Variants in RAB27B observed in about 807,000 individuals in gnomAD.
RAB27B encodes the protein ras-related protein Rab-27B.
RAB27B carries 15 observed loss-of-function variants against 24.6 expected under a neutral mutation model. That is an observed-to-expected ratio of 0.61 (90% CI 0.41 to 0.94). RAB27B has a LOEUF of 0.94. Among genes scored for constraint, RAB27B ranks in the 40% least tolerant of loss-of-function variants. The pLI is 0.00. For missense variants in RAB27B, 261 were observed against 266.8 expected (o/e 0.98, Z 0.15); for synonymous variants, 105 against 92.5 (o/e 1.14, Z -0.78).
At chr18:54,841,735 C>A (rs577457509) in intron 1 of RAB27B, among the ~76,000 whole-genome samples, 74 of 152,242 alleles carry the variant, frequency 4.9e-4, no homozygotes, top group Non-Finnish European at 9.3e-4. Context: ...TGGCCAAAGT[C>A]AAAGATATAT....
chr18:54,756,413 A>G (rs547122062), intron 2 of RAB27B, among the ~76,000 whole-genome samples: 1 of 152,260 alleles, frequency 6.6e-6, no homozygotes, highest in South Asian at 2.1e-4. Flanking sequence ...TATCCTGACT[A>G]TAGGTTCGAT....
intron 2 of RAB27B, among the ~76,000 whole-genome samples, chr18:54,798,359 A>G (rs188123001): frequency 1.3e-5 from 2 of 152,354 alleles, no homozygotes; most frequent in East Asian, 3.9e-4. Context: ...AGAGACTTCA[A>G]CTGTTGCACA....
At chr18:54,788,213 C>A (rs923622492) in intron 2 of RAB27B, among the ~76,000 whole-genome samples, 1 of 152,168 alleles carries the variant, frequency 6.6e-6, no homozygotes, top group Non-Finnish European at 1.5e-5. Flanking sequence ...CTAAACTCTC[C>A]AAGCATTTTA....
chr18:54,739,398 G>A (rs1040860651), intron 2 of RAB27B, among the ~76,000 whole-genome samples: 3 of 149,042 alleles, frequency 2.0e-5, no homozygotes, highest in East Asian at 2.0e-4. Context: ...GGAGGTTACA[G>A]TGAGCTGAGA....
intron 1 of RAB27B, among the ~76,000 whole-genome samples, chr18:54,839,345 A>C (rs1911018661): frequency 1.3e-5 from 2 of 152,186 alleles, no homozygotes; most frequent in Non-Finnish European, 1.5e-5. Context: ...TCTCTTTGGA[A>C]TAAGTTTTTA....
chr18:54,818,118 CT>C (rs748769364), intron 2 of RAB27B, among the ~76,000 whole-genome samples: 2 of 152,122 alleles, frequency 1.3e-5, no homozygotes, highest in African/African-American at 2.4e-5. Context: ...GGAAATGTTC[CT>C]GTTCTCCAAT....
intron 2 of RAB27B, among the ~76,000 whole-genome samples, chr18:54,746,054 G>A (rs993605163): frequency 6.6e-6 from 1 of 152,038 alleles, no homozygotes; most frequent in African/African-American, 2.4e-5. Flanking sequence ...TATGGGTGAA[G>A]CATGCCACAA....
chr18:54,777,058 A>T (rs996703551), intron 2 of RAB27B, among the ~76,000 whole-genome samples: 1 of 152,168 alleles, frequency 6.6e-6, no homozygotes, highest in African/African-American at 2.4e-5. Flanking sequence ...AAAAATTAAA[A>T]TAATAAATAA....
chr18:54,820,599 G>A (rs1190793928), intron 2 of RAB27B, among the ~76,000 whole-genome samples: 1 of 151,992 alleles, frequency 6.6e-6, no homozygotes, highest in Non-Finnish European at 1.5e-5. Context: ...TTCTTTTGCT[G>A]TGCAGAAGCT....
At chr18:54,804,904 C>CTCTCTTTCTT (rs1555658012) in intron 2 of RAB27B, among the ~76,000 whole-genome samples, 2,047 of 47,828 alleles carry the variant, frequency 0.043, 46 homozygotes, top group East Asian at 0.15. Context: ...CTTTCTCTCT[C>CTCTCTTTCTT]TCTTTCTTTC....
At chr18:54,747,922 A>G (rs1910305351) in intron 2 of RAB27B, among the ~76,000 whole-genome samples, 1 of 152,118 alleles carries the variant, frequency 6.6e-6, no homozygotes, top group Non-Finnish European at 1.5e-5. Flanking sequence ...AGCCTGGACA[A>G]CATAGTAAAA....
intron 2 of RAB27B, among the ~76,000 whole-genome samples, chr18:54,754,240 T>G (rs1047032162): frequency 1.3e-5 from 2 of 152,106 alleles, no homozygotes; most frequent in African/African-American, 4.8e-5. Context: ...TCTCTTGTTC[T>G]CTCTCTCGTC....
intron 2 of RAB27B, among the ~76,000 whole-genome samples, chr18:54,823,187 T>C (rs1910365354): frequency 6.6e-6 from 1 of 152,254 alleles, no homozygotes; most frequent in African/African-American, 2.4e-5. Flanking sequence ...TACATATTCG[T>C]TGTGAAGAAA....
intron 2 of RAB27B, among the ~76,000 whole-genome samples, chr18:54,780,087 C>A (rs1245076941): frequency 4.0e-5 from 5 of 126,244 alleles, no homozygotes; most frequent in East Asian, 5.2e-4. Context: ...CGTCTCCGCC[C>A]GTCCTGACAG....
rs1913322929 is a variant in RAB27B at position 54,890,419 on chromosome 18, T to G, written c.*1006T>G. On this transcript the variant is annotated 3_prime_UTR_variant, in exon 6 of 6. Transcript: ENST00000262094. ...TCAAGGAAAACTAGCCTTGAATTTT[T>G]TTTAGATAAAATAAGATGGTGATAT... 1 of 152,174 alleles carries G rather than the reference T, an allele frequency of 6.6e-6. No individual in the cohort carries two copies. The highest frequency in any genetic ancestry group is 6.6e-5 in the Admixed American group (1 of 15,262). The allele number at this position is 152,174 out of a possible 1,614,324, so 9.4% of individuals were successfully genotyped here.
At chr18:54,723,779 G>A (rs996131099) in intron 2 of RAB27B, among the ~76,000 whole-genome samples, 12 of 152,086 alleles carry the variant, frequency 7.9e-5, no homozygotes, top group African/African-American at 2.4e-4. Flanking sequence ...TTTTAATTCA[G>A]TCAATTGAGT....
At chr18:54,888,473 C>A (rs1184932426) in intron 5 of RAB27B, among the ~76,000 whole-genome samples, 1 of 152,084 alleles carries the variant, frequency 6.6e-6, no homozygotes, top group Non-Finnish European at 1.5e-5. Flanking sequence ...TAAACTCAAT[C>A]CAGACAGTCT....
chr18:54,852,752 T>A (rs567192063), intron 1 of RAB27B, among the ~76,000 whole-genome samples: 1 of 152,312 alleles, frequency 6.6e-6, no homozygotes, highest in African/African-American at 2.4e-5. Flanking sequence ...TAATGAACCT[T>A]ATTGTTCCCC....
At chr18:54,769,690 T>C (rs201175423) in intron 2 of RAB27B, among the ~76,000 whole-genome samples, 1 of 152,256 alleles carries the variant, frequency 6.6e-6, no homozygotes, top group East Asian at 1.9e-4. Flanking sequence ...AGGTTTTATA[T>C]ACATGATTAA....
Sources: gnomAD v4.1 joint callset for allele counts (sites outside exome capture counted in the v4.1 genomes callset) on GRCh38, gnomAD v4.1.1 for gene constraint, MANE v1.5 for transcripts, NCBI Gene and HGNC (gene_info 2026-07-23, HGNC 2026-07-21) for gene names.